The following VPS13B variants were observed in gnomAD, a reference collection of about 807,000 sequenced individuals.
VPS13B encodes vacuolar protein sorting 13 homolog B.
VPS13B carries 285 observed loss-of-function variants against 426.4 expected under a neutral mutation model. The ratio of observed to expected loss-of-function variants is 0.67; its 90% CI spans 0.61 to 0.74. The LOEUF (loss-of-function observed/expected upper bound fraction) is 0.74. VPS13B is among the 30% of genes least tolerant of loss of function. The pLI is 0.00. For synonymous variants in VPS13B, 1,676 were observed against 1,676.4 expected, an observed-to-expected ratio of 1.00 and a Z score of 0.01; for missense variants, 4,537 against 4,782.6, an observed-to-expected ratio of 0.95 and a Z score of 1.51.
At chr8:99,216,542 TA>T (rs1356122129) in intron 17 of VPS13B, among the ~76,000 whole-genome samples, 1 of 151,816 alleles carries the variant, frequency 6.6e-6, no homozygotes, top group African/African-American at 2.4e-5. Context: ...TGGAGGAGAA[TA>T]GGGGAGTGCT....
intron 19 of VPS13B, among the ~76,000 whole-genome samples, chr8:99,358,294 A>G (rs1812300613): frequency 6.6e-6 from 1 of 152,170 alleles, no homozygotes; most frequent in Non-Finnish European, 1.5e-5. Context: ...AATCTGAGGA[A>G]CAGATTTTGG....
At chr8:99,826,009 C>T (rs1423053905) in intron 51 of VPS13B, among the ~76,000 whole-genome samples, 2 of 152,080 alleles carry the variant, frequency 1.3e-5, no homozygotes, top group South Asian at 2.1e-4. Context: ...AGCGTGATGC[C>T]CCCAGCTTTG....
intron 19 of VPS13B, among the ~76,000 whole-genome samples, chr8:99,371,364 T>A (rs1032091181): frequency 1.3e-5 from 2 of 152,086 alleles, no homozygotes; most frequent in Non-Finnish European, 1.5e-5. Flanking sequence ...GTTGCTTGTT[T>A]TTGTTGGGTT....
chr8:99,314,163 G>T (rs759306204), intron 19 of VPS13B, among the ~76,000 whole-genome samples: 4 of 152,066 alleles, frequency 2.6e-5, no homozygotes, highest in Non-Finnish European at 5.9e-5. Context: ...TCGTTGGGCT[G>T]CACCCACTGT....
At chr8:99,721,294 A>G (rs2130345755) in intron 39 of VPS13B, among the ~76,000 whole-genome samples, 1 of 152,296 alleles carries the variant, frequency 6.6e-6, no homozygotes, top group Admixed American at 6.5e-5. Flanking sequence ...TCTCCATTTT[A>G]TTGTGAGTAG....
At chr8:99,247,347 C>T (rs1817278066) in intron 17 of VPS13B, among the ~76,000 whole-genome samples, 1 of 152,154 alleles carries the variant, frequency 6.6e-6, no homozygotes, top group Admixed American at 6.5e-5. Flanking sequence ...AGCTACAAAA[C>T]AGCATACCAT....
chr8:99,469,433 C>G (rs1819284798), intron 24 of VPS13B, among the ~76,000 whole-genome samples: 1 of 152,078 alleles, frequency 6.6e-6, no homozygotes, highest in Admixed American at 6.6e-5. Context: ...GCTTCAGCCT[C>G]TCAAAGTGCC....
intron 19 of VPS13B, among the ~76,000 whole-genome samples, chr8:99,310,613 A>G (rs2133096912): frequency 6.6e-6 from 1 of 152,310 alleles, no homozygotes; most frequent in South Asian, 2.1e-4. Context: ...GGATTTTTGC[A>G]TCAGTGTTCA....
rs558095087 is a variant in VPS13B at position 99,200,689 on chromosome 8, T to G, written c.2515+7632T>G. Among the ~76,000 whole-genome samples the G allele has an allele frequency of 3.9e-5, 6 of 152,270 alleles. No individual in the cohort carries two copies. In the East Asian group the frequency reaches 1.2e-3, roughly 29 times the overall value. ...TTTTTGTGTATTTATTAGCTATTTC[T>G]ATCTCTTCTATGGAGAAATTATTCA... On this transcript the variant is annotated intron_variant, in intron 17 of 61. Coordinates refer to ENST00000357162, the MANE Select transcript of VPS13B (RefSeq NM_152564.5).
Position 99,536,588 on chromosome 8 carries a change from A to G in VPS13B, c.4745+15578A>G, listed in dbSNP as rs776544630. On this transcript the variant is annotated intron_variant, in intron 30 of 61. Coordinates refer to ENST00000357162, the MANE Select transcript of VPS13B (RefSeq NM_152564.5). ...AGAGTGCATAGCTTCTGTAAAGGAAATAATGTTTTGTATCCTGGGACCCCA... is the reference window on the plus strand; with the variant it reads ...AGAGTGCATAGCTTCTGTAAAGGAAGTAATGTTTTGTATCCTGGGACCCCA... 7.6e-6 allele frequency: 4 copies of G among 524,812 alleles called. No individual in the cohort carries two copies. The African/African-American group carries it at 7.7e-5, about 10-fold the overall frequency. The allele number at this position is 524,812 out of a possible 1,614,324, so 32.5% of individuals were successfully genotyped here.
intron 12 of VPS13B, among the ~76,000 whole-genome samples, chr8:99,137,142 A>T (rs906179969): frequency 6.6e-6 from 1 of 152,106 alleles, no homozygotes; most frequent in African/African-American, 2.4e-5. Context: ...AAAAATAGAA[A>T]ATCTTCCAGA....
At chr8:99,036,805 G>T (rs1371564235) in intron 2 of VPS13B, among the ~76,000 whole-genome samples, 30 of 152,120 alleles carry the variant, frequency 2.0e-4, no homozygotes, top group Admixed American at 2.0e-3. Context: ...GAATTGTAAT[G>T]TGCTCATTGT....
At chr8:99,445,814 A>G (rs1199517136) in intron 23 of VPS13B, among the ~76,000 whole-genome samples, 4 of 152,154 alleles carry the variant, frequency 2.6e-5, no homozygotes, top group African/African-American at 9.7e-5. Context: ...TTTTATTTTT[A>G]AAACTTGATA....
At position 99,275,132 on chromosome 8, in the gene VPS13B, C is replaced by G; in HGVS notation, c.2702C>G (p.Thr901Ser). The G allele has an allele frequency of 6.2e-7, 1 of 1,612,176 alleles. No homozygotes were observed. The highest frequency in any genetic ancestry group is 8.5e-7 in the Non-Finnish European group (1 of 1,179,108). ...CCCTTGCTTCAGGGTCCTTCTGACA[C>G]TAAAGACCTTCATAGCACCAAGTGG... ...LIPLLQGPSD[T>S]KDLHSTKWLN... The change falls in exon 19 of 62, where the codon ACT becomes AGT. Residue 901 changes from threonine to serine, a missense_variant. Coordinates refer to ENST00000357162, the MANE Select transcript of VPS13B (RefSeq NM_152564.5).
chr8:99,108,131 G>T (rs1847145237), intron 5 of VPS13B, among the ~76,000 whole-genome samples: 1 of 152,138 alleles, frequency 6.6e-6, no homozygotes, highest in South Asian at 2.1e-4. Context: ...ATTTGCCTAG[G>T]ATAATGCCCT....
At chr8:99,829,707 G>A (rs1814934613) in intron 51 of VPS13B, among the ~76,000 whole-genome samples, 1 of 152,182 alleles carries the variant, frequency 6.6e-6, no homozygotes, top group Non-Finnish European at 1.5e-5. Flanking sequence ...GCCTTTTTGT[G>A]CTGGTTTTTC....
chr8:99,225,509 C>T (rs947057769), intron 17 of VPS13B, among the ~76,000 whole-genome samples: 1 of 152,028 alleles, frequency 6.6e-6, no homozygotes, highest in Non-Finnish European at 1.5e-5. Context: ...ATCTTCTGAC[C>T]TCGTGATCCA....
chr8:99,103,078 A>G lies in VPS13B; in HGVS notation c.538A>G (p.Thr180Ala), dbSNP rs1846846356. 5.6e-6 allele frequency: 9 copies of G among 1,613,940 alleles called. No homozygotes were observed. The highest frequency in any genetic ancestry group is 7.6e-6 in the Non-Finnish European group (9 of 1,179,968). Reference sequence around the variant, plus strand: ...CAATATCACTTCTGCAGAATGTTATACAGTAGGTGAATTATGGGATCGTGC... The same window carrying G: ...CAATATCACTTCTGCAGAATGTTATGCAGTAGGTGAATTATGGGATCGTGC... ...SVNITSAECY[T>A]VGELWDRAFM... Residue 180 changes from threonine (T) to alanine (A), a missense_variant, in exon 5 of 62, where the codon ACA becomes GCA. Thr to Ala is a moderately conservative substitution (Grantham distance 58). Around this residue, in one of 2 missense-constraint regions of VPS13B, gnomAD observed 226 missense variants for 308.3 expected, o/e 0.73. Transcript: ENST00000357162.
At chr8:99,503,202 C>CA (rs1821330954) in intron 27 of VPS13B, among the ~76,000 whole-genome samples, 1 of 152,172 alleles carries the variant, frequency 6.6e-6, no homozygotes, top group Admixed American at 6.5e-5. Context: ...GTGAAGTGTA[C>CA]AATAGCATTA....
Sources: allele counts gnomAD v4.1 joint callset (sites outside exome capture counted in the v4.1 genomes callset), GRCh38; gene constraint gnomAD v4.1.1; regional missense constraint gnomAD v4.1.1; transcripts MANE v1.5; gene names NCBI Gene and HGNC (gene_info 2026-07-23, HGNC 2026-07-21).